DSEL: variants seen among roughly 807,000 people sequenced by gnomAD.
The protein encoded by DSEL is dermatan sulfate epimerase like, also known as dermatan-sulfate epimerase-like protein.
Under a neutral mutation model 96.6 loss-of-function variants are expected in DSEL, and 61 were observed. The observed-to-expected ratio is 0.63, with a 90% CI of 0.51 to 0.78. The LOEUF is 0.78. Among genes scored for constraint, DSEL ranks in the 30% least tolerant of loss-of-function variants. The pLI, the probability that DSEL is intolerant of heterozygous loss-of-function variation, is 0.00. For synonymous variants in DSEL, 514 were observed against 502.0 expected (o/e 1.02, Z -0.32); for missense variants, 1,320 against 1,430.8 (o/e 0.92, Z 1.25).
Position 67,512,438 on chromosome 18 carries a change from A to G in DSEL, c.2171T>C (p.Leu724Pro). 6.2e-7 allele frequency: 1 copy of G among 1,614,152 alleles called. No individual in the cohort carries two copies. The highest frequency in any genetic ancestry group is 8.5e-7 in the Non-Finnish European group (1 of 1,180,028). ...VVSIVTDYHN[L>P]KTRFNYLGFG... is the part of the protein sequence containing the mutation. ...TCCCAGATAATTGAATCTTGTCTTC[A>G]GGTTATGGTAATCAGTTACAATAGA... is the stretch of plus-strand genomic sequence containing the variant. The change falls in exon 2 of 2, where the codon CTG becomes CCG. Residue 724 changes from leucine (L) to proline (P), a missense_variant. Physicochemically the swap from Leu to Pro is moderately conservative, Grantham distance 98. Coordinates refer to ENST00000310045, the MANE Select transcript of DSEL (RefSeq NM_032160.3).
chr18:67,510,865 T>TGC lies in DSEL; in HGVS notation c.*103_*104dup, dbSNP rs555595112. 809 of 643,484 alleles carry TGC rather than the reference T, an allele frequency of 1.3e-3. 1 individual carries two copies. The highest frequency in any genetic ancestry group is 1.8e-3 in the Non-Finnish European group (738 of 413,434). The allele number at this position is 643,484 out of a possible 1,614,324, so 39.9% of individuals were successfully genotyped here. A position where few individuals can be genotyped will look rare whatever the true frequency, so the allele number is the denominator to read the frequency against. On this transcript the variant is annotated 3_prime_UTR_variant, in exon 2 of 2. Transcript: ENST00000310045. Reference sequence around the variant, plus strand: ...AAACAACACTGAACACATACACGCGTGCACACACACACACACACTAAAGAA... The same window carrying TGC: ...AAACAACACTGAACACATACACGCGTGCGCACACACACACACACACTAAAGAA...
chr18:67,513,506 C>G lies in DSEL; in HGVS notation c.1103G>C (p.Arg368Pro), dbSNP rs910932809. 2 of 1,614,130 alleles carry G rather than the reference C, an allele frequency of 1.2e-6. No homozygotes were observed. Among genetic ancestry groups the G allele is most frequent in the Non-Finnish European group, 8.5e-7 (1 of 1,180,042 alleles). ...NWLAQQIRKH[R>P]PKDGPMVPST... ...AGGAACCATCGGTCCATCTTTAGGT[C>G]GGTGCTTTCTAATTTGCTGAGCTAA... Residue 368 changes from arginine (R) to proline (P), a missense_variant, in exon 2 of 2, where the codon CGA (arginine) becomes CCA (proline). By Grantham distance (103) the Arg-to-Pro change is moderately radical (BLOSUM62 -2). Around this residue, in one of 3 missense-constraint regions of DSEL, gnomAD observed 986 missense variants for 1,066.4 expected, o/e 0.92. Transcript: ENST00000310045.
Position 67,512,735 on chromosome 18 carries a change from A to G in DSEL, c.1874T>C (p.Met625Thr). ...TTTGTAATGTGCATCCCACACATCC[A>G]TCATGGCACCATTATACCTATTCAT... ...KFMNRYNGAM[M>T]DVWDAHYKMF... Residue 625 changes from methionine to threonine, a missense_variant, in exon 2 of 2, where the codon ATG becomes ACG. Met to Thr is a moderately conservative substitution (Grantham distance 81, BLOSUM62 -1). This residue lies in a region of DSEL where 986 missense variants were observed against 1,066.4 expected (regional missense o/e 0.92). Coordinates refer to ENST00000310045, the MANE Select transcript of DSEL (RefSeq NM_032160.3). 6.2e-7 allele frequency: 1 copy of G among 1,614,212 alleles called. No individual in the cohort carries two copies. The highest frequency in any genetic ancestry group is 8.5e-7 in the Non-Finnish European group (1 of 1,180,046).
In DSEL at chr18:67,514,504, G is replaced by A; in HGVS notation, c.105C>T (p.Phe35=). Residue 35 remains phenylalanine, a synonymous_variant, in exon 2 of 2, where the codon TTC becomes TTT. Coordinates refer to ENST00000310045, the MANE Select transcript of DSEL (RefSeq NM_032160.3). The part of the protein sequence containing the change: ...SVSNYSEWAV[F]TDDIDQFKTQ... Reference sequence around the variant, plus strand: ...TTTTAAACTGATCTATATCATCTGTGAAAACTGCCCATTCGGAATAATTGC... The same window carrying A: ...TTTTAAACTGATCTATATCATCTGTAAAAACTGCCCATTCGGAATAATTGC... 1.9e-6 allele frequency: 3 copies of A among 1,614,172 alleles called. No individual in the cohort carries two copies. Among genetic ancestry groups the A allele is most frequent in the Non-Finnish European group, 1.7e-6 (2 of 1,180,030 alleles).
rs556065080 is a variant in DSEL, at chr18:67,512,586, T to C, written c.2023A>G (p.Ile675Val). 1.1e-4 allele frequency: 176 copies of C among 1,614,102 alleles called. 1 individual carries two copies. The South Asian group carries it at 1.9e-3, about 17-fold the overall frequency. Residue 675 changes from isoleucine (I) to valine (V), a missense_variant, in exon 2 of 2, where the codon ATC (isoleucine) becomes GTC (valine). Ile to Val is a conservative substitution (Grantham distance 29). This residue lies in a region of DSEL where 986 missense variants were observed against 1,066.4 expected (regional missense o/e 0.92). Coordinates refer to ENST00000310045, the MANE Select transcript of DSEL (RefSeq NM_032160.3). The part of the protein sequence containing the change: ...VNVTFQMEPT[I>V]TRIAYVFYGP... ...TAAAAGACATATGCAATTCTTGTGA[T>C]TGTGGGTTCCATCTGAAAAGTAACA...
At position 67,512,162 on chromosome 18, in the gene DSEL, A is replaced by T; in HGVS notation, c.2447T>A (p.Leu816His). The T allele has an allele frequency of 6.2e-7, 1 of 1,614,210 alleles. No homozygotes were observed. Among genetic ancestry groups the T allele is most frequent in the South Asian group, 1.1e-5 (1 of 91,084 alleles). Reference protein sequence around the residue: ...ILVIALWFIELLDVWSTCSQP... With the variant: ...ILVIALWFIEHLDVWSTCSQP... Reference sequence around the variant, plus strand: ...ACTACAAGTGCTCCACACATCCAAAAGCTCAATAAACCACAAGGCAATAAC... The same window carrying T: ...ACTACAAGTGCTCCACACATCCAAATGCTCAATAAACCACAAGGCAATAAC... The change falls in exon 2 of 2, where the codon CTT becomes CAT. Residue 816 changes from leucine to histidine, a missense_variant. By Grantham distance (99) the Leu-to-His change is moderately conservative. This residue lies in a region of DSEL where 986 missense variants were observed against 1,066.4 expected (regional missense o/e 0.92). Coordinates refer to ENST00000310045, the MANE Select transcript of DSEL (RefSeq NM_032160.3).
Position 67,510,906 on chromosome 18 carries a change from G to T in DSEL, c.*64C>A. ...CACTAAAGAATAAACAAACTCTTCT[G>T]ATTCATATCCACAAAGTGGGTTGGT... On this transcript the variant is annotated 3_prime_UTR_variant, in exon 2 of 2. Transcript: ENST00000310045. 1.5e-6 allele frequency: 2 copies of T among 1,359,170 alleles called. No homozygotes were observed. Among genetic ancestry groups the T allele is most frequent in the South Asian group, 1.4e-5 (1 of 70,548 alleles). 84.2% of individuals were successfully genotyped at this position (1,359,170 alleles called of 1,614,324 possible). A position where few individuals can be genotyped will look rare whatever the true frequency, so the allele number is the denominator to read the frequency against.
chr18:67,514,290 GAGGT>G lies in DSEL; in HGVS notation c.315_318del (p.Pro106HisfsTer22). 1 of 1,614,218 alleles carries G rather than the reference GAGGT, an allele frequency of 6.2e-7. No individual in the cohort carries two copies. The highest frequency in any genetic ancestry group is 8.5e-7 in the Non-Finnish European group (1 of 1,180,032). On this transcript the variant is annotated frameshift_variant, in exon 2 of 2. Transcript: ENST00000310045. LOFTEE classifies it high-confidence loss of function. ...GCAGCAAAATCAGCATGCTTTGGTG[GAGGT>G]AGGTAGTATGTTGGGTTGGACAGCA...
rs1302193396 is a variant in DSEL at position 67,516,148 on chromosome 18, C to T, written c.-885+213G>A. ...GGTGTCGAAAGACGCCTCTCCGTGC[C>T]CGTCCGCGGCTGGAAGAACCTAAGC... On this transcript the variant is annotated intron_variant, in intron 1 of 1. Coordinates refer to ENST00000310045, the MANE Select transcript of DSEL (RefSeq NM_032160.3). This position sits in a 1 kb window ranked among gnomAD's most constrained non-coding sequence, Gnocchi z 5.6. Among the ~76,000 whole-genome samples, 1 of 152,186 alleles carries T rather than the reference C, an allele frequency of 6.6e-6. No individual in the cohort carries two copies. Among genetic ancestry groups the T allele is most frequent in the African/African-American group, 2.4e-5 (1 of 41,458 alleles).
rs780528672 is a variant in DSEL, at chr18:67,513,046, T to TTC, written c.1561_1562dup (p.Cys522AsnfsTer20). The TTC allele has an allele frequency of 6.2e-7, 1 of 1,614,170 alleles. No homozygotes were observed. Among genetic ancestry groups the TTC allele is most frequent in the African/African-American group, 1.3e-5 (1 of 75,040 alleles). On this transcript the variant is annotated frameshift_variant, in exon 2 of 2. Transcript: ENST00000310045. LOFTEE classifies it high-confidence loss of function. ...CAGTCCACTTAAGCCACTGCGCACATTCTCCCAGTTGACCTTCCCAGGGCT... is the reference window on the plus strand; with the variant it reads ...CAGTCCACTTAAGCCACTGCGCACATTCTCTCCCAGTTGACCTTCCCAGGGCT...
chr18:67,510,453 T>C lies in DSEL; in HGVS notation c.*517A>G, dbSNP rs115695859. 698 of 152,962 alleles carry C rather than the reference T, an allele frequency of 4.6e-3. 7 individuals are homozygous for C. The highest frequency in any genetic ancestry group is 0.016 in the African/African-American group (668 of 41,596). 9.5% of individuals were successfully genotyped at this position (152,962 alleles called of 1,614,324 possible). A position where few individuals can be genotyped will look rare whatever the true frequency, so the allele number is the denominator to read the frequency against. ...GGAGCTTTCACCATTTCCTCAGTGA[T>C]ATCACTGAACATTAAACACAGTAAA... On this transcript the variant is annotated 3_prime_UTR_variant, in exon 2 of 2. Transcript: ENST00000310045.
chr18:67,511,742 T>G lies in DSEL; in HGVS notation c.2867A>C (p.Asp956Ala), dbSNP rs1389274120. The G allele has an allele frequency of 6.2e-7, 1 of 1,614,122 alleles. No individual in the cohort carries two copies. The highest frequency in any genetic ancestry group is 1.7e-5 in the Admixed American group (1 of 59,996). Residue 956 changes from aspartate (D) to alanine (A), a missense_variant, in exon 2 of 2, where the codon GAC becomes GCC. Asp to Ala is a moderately radical substitution (Grantham distance 126). Around this residue, in one of 3 missense-constraint regions of DSEL, gnomAD observed 986 missense variants for 1,066.4 expected, o/e 0.92. Transcript: ENST00000310045. The stretch of plus-strand genomic sequence containing the variant: ...TCTCCTTTTAAATTTTCTTTTTTTG[T>G]CCTTATTCATTGCAAAATATTGGGC... ...KLAQYFAMNK[D>A]KKRKFKRRES...
chr18:67,507,950 TA>T lies in DSEL; in HGVS notation c.*3019del, dbSNP rs1464931718. 5 of 152,168 alleles carry T rather than the reference TA, an allele frequency of 3.3e-5. No individual in the cohort carries two copies. The highest frequency in any genetic ancestry group is 7.4e-5 in the Non-Finnish European group (5 of 68,022). The allele number at this position is 152,168 out of a possible 1,614,324, so 9.4% of individuals were successfully genotyped here. On this transcript the variant is annotated 3_prime_UTR_variant, in exon 2 of 2. Transcript: ENST00000310045. ...TATGGCCTTTTTATTTCATCTTGAGTAAATCTATGTTGTTTGAAAATTTAAA... is the reference window on the plus strand; with the variant it reads ...TATGGCCTTTTTATTTCATCTTGAGTAATCTATGTTGTTTGAAAATTTAAA...
rs374315429 is a variant in DSEL at position 67,512,256 on chromosome 18, C to A, written c.2353G>T (p.Val785Leu). 3 of 1,613,914 alleles carry A rather than the reference C, an allele frequency of 1.9e-6. No individual in the cohort carries two copies. Among genetic ancestry groups the A allele is most frequent in the Non-Finnish European group, 8.5e-7 (1 of 1,180,000 alleles). ...AAACGCCATTGGAAAGTTAAAATCA[C>A]CAAGCTAATGCACAAAATTAATCCA... ...AVGLILCISL[V>L]ILTFQWRFYL... The change falls in exon 2 of 2, where the codon GTG becomes TTG. Residue 785 changes from valine (V) to leucine (L), a missense_variant. Val to Leu is a conservative substitution (Grantham distance 32). Transcript: ENST00000310045.
At position 67,513,112 on chromosome 18, in the gene DSEL, A is replaced by T; in HGVS notation, c.1497T>A (p.Asn499Lys). Residue 499 changes from asparagine (N) to lysine (K), a missense_variant, in exon 2 of 2, where the codon AAT becomes AAA. Physicochemically the swap from Asn to Lys is moderately conservative, Grantham distance 94. Transcript: ENST00000310045. ...LYGPKLSHLN[N>K]VLVFAPSPSS... ...AGGGTGATGGAGCAAACACCAATAC[A>T]TTGTTAAGGTGGCTCAACTTGGGTC... The T allele has an allele frequency of 6.2e-7, 1 of 1,614,136 alleles. No individual in the cohort carries two copies. Among genetic ancestry groups the T allele is most frequent in the Non-Finnish European group, 8.5e-7 (1 of 1,180,026 alleles).
In DSEL at chr18:67,512,286, C is replaced by T. The variant is rs1327599047; in HGVS notation, c.2323G>A (p.Ala775Thr). 1 of 1,614,046 alleles carries T rather than the reference C, an allele frequency of 6.2e-7. No homozygotes were observed. The highest frequency in any genetic ancestry group is 1.1e-5 in the South Asian group (1 of 91,066). ...CTAATGCACAAAATTAATCCAACTG[C>T]TATATTAAATTTAAATCCAAAGGGG... ...IFPFGFKFNI[A>T]VGLILCISLV... Residue 775 changes from alanine (A) to threonine (T), a missense_variant, in exon 2 of 2, where the codon GCA (alanine) becomes ACA (threonine). Coordinates refer to ENST00000310045, the MANE Select transcript of DSEL (RefSeq NM_032160.3).
At position 67,514,712 on chromosome 18, in the gene DSEL, CAA is replaced by C. The variant is rs2089466137; in HGVS notation, c.-106_-105del. Reference sequence around the variant, plus strand: ...ACATACAGTAAAGGCCTTGATAAGACAAAGACTGTAAATCTGATATGCTGTGA... The same window carrying C: ...ACATACAGTAAAGGCCTTGATAAGACAGACTGTAAATCTGATATGCTGTGA... On this transcript the variant is annotated 5_prime_UTR_variant, in exon 2 of 2. An upstream open reading frame in the 5' UTR gains an earlier in-frame stop. Coordinates refer to ENST00000310045, the MANE Select transcript of DSEL (RefSeq NM_032160.3). 3.2e-6 allele frequency: 4 copies of C among 1,267,684 alleles called. No homozygotes were observed. In the East Asian group the frequency reaches 9.3e-5, roughly 30 times the overall value. 78.5% of individuals were successfully genotyped at this position (1,267,684 alleles called of 1,614,324 possible).
Position 67,513,123 on chromosome 18 carries a change from G to C in DSEL, c.1486C>G (p.His496Asp). 6.2e-7 allele frequency: 1 copy of C among 1,614,120 alleles called. No homozygotes were observed. The highest frequency in any genetic ancestry group is 1.1e-5 in the South Asian group (1 of 91,078). The change falls in exon 2 of 2, where the codon CAC becomes GAC. Residue 496 changes from histidine to aspartate, a missense_variant. This residue lies in a region of DSEL where 986 missense variants were observed against 1,066.4 expected (regional missense o/e 0.92). Transcript: ENST00000310045. ...SEALYGPKLS[H>D]LNNVLVFAPS... The stretch of plus-strand genomic sequence containing the variant: ...GCAAACACCAATACATTGTTAAGGT[G>C]GCTCAACTTGGGTCCATAGAGAGCT...
rs1168452278 is a variant in DSEL at position 67,516,630 on chromosome 18, C to A, written c.-1154G>T. On this transcript the variant is annotated 5_prime_UTR_variant, in exon 1 of 2. Coordinates refer to ENST00000310045, the MANE Select transcript of DSEL (RefSeq NM_032160.3). The surrounding 1 kb of genome is among the most constrained non-coding windows in gnomAD (Gnocchi z 5.6). ...CAACCACGGACCGCAGGACAGAGAC[C>A]CGCGGGCGGCGGGTTCTCTCGGTGG... The A allele has an allele frequency of 6.6e-6, 1 of 152,092 alleles. No homozygotes were observed. Among genetic ancestry groups the A allele is most frequent in the Non-Finnish European group, 1.5e-5 (1 of 68,008 alleles). The allele number at this position is 152,092 out of a possible 1,614,324, so 9.4% of individuals were successfully genotyped here.
Sources: gnomAD v4.1 joint callset for allele counts (sites outside exome capture counted in the v4.1 genomes callset) on GRCh38, gnomAD v4.1.1 for gene constraint, gnomAD v4.1.1 regional missense constraint, Gnocchi (gnomAD v3.1) non-coding constraint, MANE v1.5 for transcripts, NCBI Gene and HGNC (gene_info 2026-07-23, HGNC 2026-07-21) for gene names.